MAPK12: variants seen among roughly 807,000 people sequenced by gnomAD.
MAPK12 encodes mitogen-activated protein kinase 12, also known as MAP kinase 12.
In MAPK12, 49 loss-of-function variants were observed where a neutral mutation model predicts 49.1. That is an observed-to-expected ratio of 1.00 (90% CI 0.79 to 1.27). The LOEUF (loss-of-function observed/expected upper bound fraction) is 1.27, where lower values mean the gene tolerates loss of function less well. Ranked by LOEUF, MAPK12 falls within the 50% of genes most tolerant of loss-of-function variation. The probability of loss-of-function intolerance (pLI) is 0.00; values close to 1 mark genes in which losing one functional copy is unlikely to be tolerated. For synonymous variants in MAPK12, 251 were observed against 209.7 expected (o/e 1.20, Z -1.70); for missense variants, 554 against 502.4 (o/e 1.10, Z -0.98).
rs1296246145 is a variant in MAPK12, at chr22:50,261,290, G to C, written c.132C>G (p.Ala44=). The change falls in exon 2 of 12, where the codon GCC becomes GCG. Residue 44 remains alanine (A), a synonymous_variant. Coordinates refer to ENST00000215659, the MANE Select transcript of MAPK12 (RefSeq NM_002969.6). ...CCTTAGCGCCGGTGCGGCCGTCCACGGCCGAGCTGCGGGGCGGACCGCTTA... is the reference window on the plus strand; with the variant it reads ...CCTTAGCGCCGGTGCGGCCGTCCACCGCCGAGCTGCGGGGCGGACCGCTTA... The part of the protein sequence containing the change: ...GSGAYGAVCS[A]VDGRTGAKVA... 2.7e-6 allele frequency: 4 copies of C among 1,481,132 alleles called. No individual in the cohort carries two copies. The highest frequency in any genetic ancestry group is 3.6e-6 in the Non-Finnish European group (4 of 1,110,758). The allele number at this position is 1,481,132 out of a possible 1,614,324, so 91.7% of individuals were successfully genotyped here.
Position 50,257,142 on chromosome 22 carries a change from A to G in MAPK12, c.366T>C (p.His122=), listed in dbSNP as rs201405217. The G allele has an allele frequency of 2.2e-5, 36 of 1,612,218 alleles. No individual in the cohort carries two copies. Among genetic ancestry groups the G allele is most frequent in the Non-Finnish European group, 3.0e-5 (35 of 1,179,616 alleles). ...MGTDLGKLMK[H]EKLGEDRIQF... ...GGATCCGGTCCTCGCCTAGCTTCTCATGTTTCATGAGCTTGCCCAGGTCGG... is the reference window on the plus strand; with the variant it reads ...GGATCCGGTCCTCGCCTAGCTTCTCGTGTTTCATGAGCTTGCCCAGGTCGG... The change falls in exon 4 of 12, where the codon CAT becomes CAC. Residue 122 remains histidine, a synonymous_variant. Coordinates refer to ENST00000215659, the MANE Select transcript of MAPK12 (RefSeq NM_002969.6).
chr22:50,260,025 G>A (rs1386920353), intron 2 of MAPK12, among the ~76,000 whole-genome samples: 1 of 141,310 alleles, frequency 7.1e-6, no homozygotes, highest in Non-Finnish European at 1.6e-5. Flanking sequence ...TGGGCGGGTG[G>A]TGGGGGGGTG....
In MAPK12 at chr22:50,258,398, C is replaced by A. The variant is rs73891203; in HGVS notation, c.256-97G>T. 6.8e-6 allele frequency: 7 copies of A among 1,036,720 alleles called. No homozygotes were observed. In the Admixed American group the frequency reaches 8.9e-5, roughly 13 times the overall value. The allele number at this position is 1,036,720 out of a possible 1,614,324, so 64.2% of individuals were successfully genotyped here. On this transcript the variant is annotated intron_variant, in intron 2 of 11. Transcript: ENST00000215659. The stretch of plus-strand genomic sequence containing the variant: ...CCCTCTGGGCAGGAAACCCCCTCTG[C>A]AGCTGTCATTGTCATGCCCCACTGT...
At chr22:50,256,577 C>T (rs754617692) in intron 6 of MAPK12, 22 bp downstream of exon 6, 2 of 1,606,862 alleles carry the variant, frequency 1.2e-6, no homozygotes, top group Non-Finnish European at 1.7e-6. Flanking sequence ...CACCTCAGGG[C>T]CCCCTGCCAG....
At chr22:50,256,753 G>T in intron 5 of MAPK12, 107 bp from the exon 6 acceptor site, 1 of 1,523,008 alleles carries the variant, frequency 6.6e-7, no homozygotes, top group Non-Finnish European at 8.8e-7. Context: ...TGGCCCCCTT[G>T]CTCTCTGCAG....
chr22:50,257,818 G>C, intron 3 of MAPK12: 1 of 718,276 alleles, frequency 1.4e-6, no homozygotes, highest in Non-Finnish European at 2.6e-6. Context: ...TGAGTCCCAG[G>C]GTGGTCGGCT....
At chr22:50,253,502 G>GGGGGGGGGGGGCCCCCCCCCCCCCCC in intron 11 of MAPK12, 22 bp from the exon 12 acceptor site, 1 of 171,650 alleles carries the variant, frequency 5.8e-6, no homozygotes, top group Non-Finnish European at 1.1e-5. Flanking sequence ...GGGGGGGCGG[G>GGGGGGGGGGGGCCCCCCCCCCCCCCC]CACAACAGAG....
intron 11 of MAPK12, chr22:50,254,915 C>CCAGCTCCAGCCAGAGGT: frequency 7.6e-7 from 1 of 1,321,596 alleles, no homozygotes; most frequent in South Asian, 1.5e-5. Flanking sequence ...CCTTCAACTT[C>CCAGCTCCAGCCAGAGGT]CAGCTCCAGC....
At position 50,253,500 on chromosome 22, in the gene MAPK12, G is replaced by GGGGGGGT; in HGVS notation, c.1025-21_1025-20insACCCCCC. The GGGGGGGT allele has an allele frequency of 2.3e-6, 1 of 432,222 alleles. No homozygotes were observed. Among genetic ancestry groups the GGGGGGGT allele is most frequent in the East Asian group, 6.8e-5 (1 of 14,616 alleles). 26.8% of individuals were successfully genotyped at this position (432,222 alleles called of 1,614,324 possible). A position where few individuals can be genotyped will look rare whatever the true frequency, so the allele number is the denominator to read the frequency against. The stretch of plus-strand genomic sequence containing the variant: ...TAACACCTGGCGGGGGTGGGGGGGC[G>GGGGGGGT]GGCACAACAGAGAGGGGGGTCAGCC... On this transcript the variant is annotated intron_variant, in intron 11 of 11. Coordinates refer to ENST00000215659, the MANE Select transcript of MAPK12 (RefSeq NM_002969.6).
At chr22:50,259,537 G>A (rs532451081) in intron 2 of MAPK12, among the ~76,000 whole-genome samples, 10 of 152,252 alleles carry the variant, frequency 6.6e-5, no homozygotes, top group Admixed American at 4.6e-4. Flanking sequence ...CCCAGGGGGT[G>A]GGCCCACAGG....
chr22:50,254,885 G>C, intron 11 of MAPK12: 8 of 1,253,722 alleles, frequency 6.4e-6, no homozygotes, highest in African/African-American at 1.5e-5. Flanking sequence ...TCTGTGCTGA[G>C]CCTGCCAGGA....
Position 50,258,673 on chromosome 22 carries a change from G to A in MAPK12, c.256-372C>T, listed in dbSNP as rs759651470. ...CAGATCCAGGCCCAGGGTGGGGACA[G>A]CGCTATGGAAAGAGGCCAGGCCTCT... On this transcript the variant is annotated intron_variant, in intron 2 of 11. Coordinates refer to ENST00000215659, the MANE Select transcript of MAPK12 (RefSeq NM_002969.6). 8.5e-5 allele frequency among the ~76,000 whole-genome samples: 13 copies of A among 152,402 alleles called. No homozygotes were observed. In the South Asian group the frequency reaches 1.4e-3, roughly 17 times the overall value.
At chr22:50,259,728 C>T (rs2267983) in intron 2 of MAPK12, among the ~76,000 whole-genome samples, 2 of 151,358 alleles carry the variant, frequency 1.3e-5, no homozygotes, top group Admixed American at 6.6e-5. Flanking sequence ...ACTAAAAATA[C>T]AAAAAATTAG....
In MAPK12 at chr22:50,255,299, G is replaced by A; in HGVS notation, c.922C>T (p.His308Tyr). ...TCGTGCAGGGACTCGAAGTAGGGAT[G>A]GGCCAGCGCCTCGCCTGCCGTCACC... ...QRVTAGEALA[H>Y]PYFESLHDTE... Residue 308 changes from histidine (H) to tyrosine (Y), a missense_variant, in exon 11 of 12, where the codon CAT becomes TAT. By Grantham distance (83) the His-to-Tyr change is moderately conservative. Transcript: ENST00000215659. 4 of 1,613,566 alleles carry A rather than the reference G, an allele frequency of 2.5e-6. No individual in the cohort carries two copies. The highest frequency in any genetic ancestry group is 3.4e-6 in the Non-Finnish European group (4 of 1,180,024).
chr22:50,258,230 G>A lies in MAPK12; in HGVS notation c.314+13C>T. The stretch of plus-strand genomic sequence containing the variant: ...CCCCTCGTGCCCAGCGGCCAGCCCA[G>A]GTCGGCACTCACAAGTCCGTGAAGT... On this transcript the variant is annotated intron_variant, in intron 3 of 11. Transcript: ENST00000215659. 6.2e-7 allele frequency: 1 copy of A among 1,613,008 alleles called. No individual in the cohort carries two copies. Among genetic ancestry groups the A allele is most frequent in the Non-Finnish European group, 8.5e-7 (1 of 1,179,904 alleles).
chr22:50,257,880 G>A lies in MAPK12; in HGVS notation c.314+363C>T, dbSNP rs749161874. 9.1e-6 allele frequency: 7 copies of A among 766,776 alleles called. No individual in the cohort carries two copies. The Admixed American group carries it at 1.0e-4, about 11-fold the overall frequency. 47.5% of individuals were successfully genotyped at this position (766,776 alleles called of 1,614,324 possible). A position where few individuals can be genotyped will look rare whatever the true frequency, so the allele number is the denominator to read the frequency against. On this transcript the variant is annotated intron_variant, in intron 3 of 11. Coordinates refer to ENST00000215659, the MANE Select transcript of MAPK12 (RefSeq NM_002969.6). ...CCTACCGCTTCTCCCCCACCCGCTG[G>A]AAAAGGTCAGCAGCTCCAGTTACCG... is the stretch of plus-strand genomic sequence containing the variant.
In MAPK12 at chr22:50,257,192, A is replaced by AACTGTGGGAGGGGCCGG; in HGVS notation, c.315-16_315dup (p.Tyr106ProfsTer9). On this transcript the variant is annotated frameshift_variant and splice_region_variant, in exon 4 of 12. Coordinates refer to ENST00000215659, the MANE Select transcript of MAPK12 (RefSeq NM_002969.6). LOFTEE classifies it high-confidence loss of function. ...GTGCCCATGAACGGCATCACCAGGT[A>AACTGTGGGAGGGGCCGG]ACTGTGGGAGGGGCCGGAGCGCTGT... 1.9e-6 allele frequency: 3 copies of AACTGTGGGAGGGGCCGG among 1,611,498 alleles called. No individual in the cohort carries two copies. The highest frequency in any genetic ancestry group is 2.5e-6 in the Non-Finnish European group (3 of 1,179,100).
intron 5 of MAPK12, 27 bp from the exon 6 acceptor site, chr22:50,256,673 G>A (rs1186244248): frequency 1.3e-6 from 2 of 1,598,812 alleles, no homozygotes; most frequent in African/African-American, 1.3e-5. Context: ...GGTGGCCACT[G>A]TGCCCCACCC....
chr22:50,258,083 G>A, intron 3 of MAPK12, 160 bp downstream of exon 3: 1 of 737,688 alleles, frequency 1.4e-6, no homozygotes. Flanking sequence ...ATGTGGGGGA[G>A]GGCGTGGGGT....
Sources: gnomAD v4.1 joint callset for allele counts (sites outside exome capture counted in the v4.1 genomes callset) on GRCh38, gnomAD v4.1.1 for gene constraint, MANE v1.5 for transcripts, NCBI Gene and HGNC (gene_info 2026-07-23, HGNC 2026-07-21) for gene names.